The following COL19A1 variants were observed in gnomAD, a reference collection of about 807,000 sequenced individuals.
COL19A1 encodes collagen alpha-1(XIX) chain.
Under a neutral mutation model 190.2 loss-of-function variants are expected in COL19A1, and 159 were observed. The observed-to-expected ratio is 0.84, with a 90% confidence interval of 0.73 to 0.95. The LOEUF is 0.95. Among genes scored for constraint, COL19A1 ranks in the 40% least tolerant of loss-of-function variants. The probability of loss-of-function intolerance (pLI) is 0.00; values close to 1 mark genes in which losing one functional copy is unlikely to be tolerated. For missense variants in COL19A1, 1,418 were observed against 1,431.9 expected (o/e 0.99, Z 0.16); for synonymous variants, 509 against 458.9 (o/e 1.11, Z -1.39).
chr6:69,930,009 G>C (rs1037406925), intron 6 of COL19A1, among the ~76,000 whole-genome samples: 9 of 152,008 alleles, frequency 5.9e-5, no homozygotes, highest in Admixed American at 3.9e-4. Context: ...ATATAAACTT[G>C]GTCTAAGTTC....
chr6:69,871,470 C>A (rs1767817106), intron 1 of COL19A1, among the ~76,000 whole-genome samples: 1 of 152,086 alleles, frequency 6.6e-6, no homozygotes, highest in Middle Eastern at 3.2e-3. Flanking sequence ...AACATGAGTT[C>A]TTTGAGTCAT....
chr6:70,070,935 T>C (rs1281234001), intron 15 of COL19A1, among the ~76,000 whole-genome samples: 1 of 152,178 alleles, frequency 6.6e-6, no homozygotes, highest in Non-Finnish European at 1.5e-5. Flanking sequence ...TGTATTTTAA[T>C]TGAGTGGTTG....
intron 23 of COL19A1, among the ~76,000 whole-genome samples, chr6:70,143,480 T>G (rs1463226445): frequency 6.6e-6 from 1 of 152,126 alleles, no homozygotes; most frequent in African/African-American, 2.4e-5. Context: ...CCATAACTCC[T>G]TGGAGACTGA....
intron 1 of COL19A1, among the ~76,000 whole-genome samples, chr6:69,869,432 CTT>C (rs1453241523): frequency 6.6e-6 from 1 of 152,132 alleles, no homozygotes; most frequent in Non-Finnish European, 1.5e-5. Flanking sequence ...TTAGGCCTCT[CTT>C]ATCTATGCAT....
chr6:70,044,327 A>G lies in COL19A1; in HGVS notation c.1170+8388A>G, dbSNP rs926671231. Among the ~76,000 whole-genome samples the G allele has an allele frequency of 2.6e-5, 4 of 152,318 alleles. No individual in the cohort carries two copies. The East Asian group carries it at 7.7e-4, about 29-fold the overall frequency. On this transcript the variant is annotated intron_variant, in intron 14 of 50. Transcript: ENST00000620364. ...CTTTCTTATCATTTGTGTATTCACT[A>G]TAGTAGCACATTTAATTTCCTTCAA... is the stretch of plus-strand genomic sequence containing the variant.
intron 14 of COL19A1, among the ~76,000 whole-genome samples, chr6:70,060,258 C>G (rs1181997580): frequency 6.6e-6 from 1 of 152,186 alleles, no homozygotes; most frequent in African/African-American, 2.4e-5. Flanking sequence ...TTCTCCAACA[C>G]CAACACTCAG....
At chr6:70,070,296 A>T (rs58860000) in intron 15 of COL19A1, among the ~76,000 whole-genome samples, 8,160 of 152,236 alleles carry the variant, frequency 0.054, 710 homozygotes, top group African/African-American at 0.19. Context: ...ATGATAATAA[A>T]GAAGGAAATC....
intron 4 of COL19A1, among the ~76,000 whole-genome samples, chr6:69,917,477 A>G (rs1771380221): frequency 6.6e-6 from 1 of 152,234 alleles, no homozygotes; most frequent in African/African-American, 2.4e-5. Context: ...GCAAGGTACT[A>G]GTCTAGATGC....
chr6:69,881,302 G>A (rs997223061), intron 2 of COL19A1, among the ~76,000 whole-genome samples: 1 of 151,666 alleles, frequency 6.6e-6, no homozygotes. Flanking sequence ...TGCATTTTAT[G>A]CACCATTTTA....
chr6:69,956,501 A>C (rs1774429152), intron 9 of COL19A1, among the ~76,000 whole-genome samples: 1 of 151,984 alleles, frequency 6.6e-6, no homozygotes, highest in Non-Finnish European at 1.5e-5. Context: ...AAAAAATTTA[A>C]AAATATAGGT....
chr6:70,030,458 T>C (rs1271057127), intron 12 of COL19A1, among the ~76,000 whole-genome samples: 2 of 152,178 alleles, frequency 1.3e-5, no homozygotes, highest in Non-Finnish European at 2.9e-5. Flanking sequence ...CACTATATAC[T>C]GTCCTCCACT....
intron 15 of COL19A1, among the ~76,000 whole-genome samples, chr6:70,087,193 C>T (rs1782639215): frequency 6.6e-6 from 1 of 152,018 alleles, no homozygotes; most frequent in Non-Finnish European, 1.5e-5. Context: ...AAACCTCTGC[C>T]CTCATGGAAC....
At chr6:70,055,216 A>G (rs1456211116) in intron 14 of COL19A1, among the ~76,000 whole-genome samples, 1 of 152,230 alleles carries the variant, frequency 6.6e-6, no homozygotes, top group Non-Finnish European at 1.5e-5. Context: ...AAAAAGTTTG[A>G]TAGTACACTA....
At chr6:69,997,335 T>A (rs1461206781) in intron 11 of COL19A1, among the ~76,000 whole-genome samples, 1 of 151,942 alleles carries the variant, frequency 6.6e-6, no homozygotes, top group Non-Finnish European at 1.5e-5. Flanking sequence ...AGTTTAAAAA[T>A]AAAAATAAAG....
At chr6:69,936,627 G>A (rs1025213276) in intron 7 of COL19A1, among the ~76,000 whole-genome samples, 158 bp from the exon 8 acceptor site, 1 of 152,260 alleles carries the variant, frequency 6.6e-6, no homozygotes, top group South Asian at 2.1e-4. Context: ...AAGTGCAAAA[G>A]TGTGATAAAC....
At chr6:70,056,922 T>C (rs778160076) in intron 14 of COL19A1, among the ~76,000 whole-genome samples, 1 of 147,158 alleles carries the variant, frequency 6.8e-6, no homozygotes, top group Non-Finnish European at 1.5e-5. Context: ...TCATGTAGTA[T>C]GTGAGTATTT....
At chr6:70,191,783 TC>T (rs1418082633) in intron 48 of COL19A1, among the ~76,000 whole-genome samples, 3 of 152,210 alleles carry the variant, frequency 2.0e-5, no homozygotes, top group African/African-American at 7.2e-5. Context: ...TTGCTTAGCA[TC>T]CATAAGCCAA....
At chr6:69,966,159 GC>G (rs1296153832) in intron 11 of COL19A1, among the ~76,000 whole-genome samples, 1 of 152,128 alleles carries the variant, frequency 6.6e-6, no homozygotes, top group Non-Finnish European at 1.5e-5. Flanking sequence ...GTGGGGGGCA[GC>G]CCCCGCCCGG....
intron 14 of COL19A1, among the ~76,000 whole-genome samples, chr6:70,036,525 A>G (rs1779359948): frequency 6.6e-6 from 1 of 152,234 alleles, no homozygotes; most frequent in Admixed American, 6.5e-5. Context: ...TACATCATGT[A>G]TTAAGCACTT....
Sources: gnomAD v4.1 joint callset for allele counts (sites outside exome capture counted in the v4.1 genomes callset) on GRCh38, gnomAD v4.1.1 for gene constraint, MANE v1.5 for transcripts, NCBI Gene and HGNC (gene_info 2026-07-23, HGNC 2026-07-21) for gene names.